Variants in SBF2 observed in about 807,000 individuals in gnomAD.
SBF2 encodes SET binding factor 2, also known as myotubularin-related protein 13.
A neutral mutation model predicts 225.2 loss-of-function variants in SBF2; 112 were observed. The observed-to-expected ratio is 0.50, with a 90% CI of 0.43 to 0.58. The LOEUF (loss-of-function observed/expected upper bound fraction) is 0.58. Among genes scored for constraint, SBF2 ranks in the 20% least tolerant of loss-of-function variants. The pLI, the probability that SBF2 is intolerant of heterozygous loss-of-function variation, is 0.00. For missense variants in SBF2, 1,996 were observed against 2,206.2 expected (o/e 0.90, Z 1.91); for synonymous variants, 763 against 773.3 (o/e 0.99, Z 0.22).
chr11:9,899,612 C>G (rs1418428027), intron 16 of SBF2, among the ~76,000 whole-genome samples: 2 of 151,594 alleles, frequency 1.3e-5, no homozygotes, highest in African/African-American at 2.4e-5. Flanking sequence ...TCCTTTGATT[C>G]TTGAGAATTA....
chr11:10,117,666 G>A (rs963783518), intron 2 of SBF2, among the ~76,000 whole-genome samples: 3 of 151,982 alleles, frequency 2.0e-5, no homozygotes, highest in African/African-American at 7.2e-5. Flanking sequence ...GGGAGCAGGG[G>A]AGATGGGGAG....
At chr11:10,081,310 A>G (rs1357476820) in intron 2 of SBF2, among the ~76,000 whole-genome samples, 1 of 152,214 alleles carries the variant, frequency 6.6e-6, no homozygotes, top group Non-Finnish European at 1.5e-5. Flanking sequence ...ATTAAAGAAT[A>G]TGCTCCTGAA....
chr11:10,062,039 G>T (rs1474575762), intron 2 of SBF2, among the ~76,000 whole-genome samples: 2 of 152,048 alleles, frequency 1.3e-5, no homozygotes, highest in Non-Finnish European at 2.9e-5. Context: ...CAGAAATAAG[G>T]CCACACATCT....
chr11:9,986,972 A>G (rs894789241), intron 13 of SBF2, among the ~76,000 whole-genome samples: 4 of 152,168 alleles, frequency 2.6e-5, no homozygotes, highest in Non-Finnish European at 4.4e-5. Context: ...GGACATAACC[A>G]AAAAAGAAAA....
At chr11:10,007,162 C>T (rs537476983) in intron 6 of SBF2, among the ~76,000 whole-genome samples, 13 of 152,218 alleles carry the variant, frequency 8.5e-5, no homozygotes, top group African/African-American at 2.4e-4. Context: ...AAGGGCGTAC[C>T]GAAGTTAAGG....
At chr11:9,839,813 T>C in intron 25 of SBF2, 117 bp from the exon 26 acceptor site, 1 of 1,179,526 alleles carries the variant, frequency 8.5e-7, no homozygotes, top group South Asian at 1.2e-5. Flanking sequence ...GAGACAGATA[T>C]CAAAGAAATG....
At chr11:9,784,324 A>T (rs1590074913) in intron 38 of SBF2, 27 bp downstream of exon 38, 1 of 1,541,134 alleles carries the variant, frequency 6.5e-7, no homozygotes. Context: ...AGACAGAAGT[A>T]ATTTCTTTTG....
At chr11:10,079,187 G>A (rs6483969) in intron 2 of SBF2, among the ~76,000 whole-genome samples, 24,873 of 151,914 alleles carry the variant, frequency 0.16, 2,311 homozygotes, top group East Asian at 0.29. Context: ...TCAAAGAAAC[G>A]CCGTAATTCT....
At chr11:9,859,447 A>C (rs1001482758) in intron 17 of SBF2, among the ~76,000 whole-genome samples, 3 of 152,216 alleles carry the variant, frequency 2.0e-5, no homozygotes, top group Non-Finnish European at 2.9e-5. Context: ...CTAAAAGCTA[A>C]GGATGTTTCA....
At chr11:9,896,141 T>A in intron 16 of SBF2, 130 bp from the exon 17 acceptor site, 1 of 752,798 alleles carries the variant, frequency 1.3e-6, no homozygotes, top group Non-Finnish European at 2.3e-6. Context: ...GCAGAGGACC[T>A]GACGGAGGGG....
At chr11:10,150,570 GT>G (rs1955128977) in intron 2 of SBF2, among the ~76,000 whole-genome samples, 1 of 151,948 alleles carries the variant, frequency 6.6e-6, no homozygotes, top group South Asian at 2.1e-4. Context: ...AAATTGTTTT[GT>G]TACAATAATC....
intron 12 of SBF2, among the ~76,000 whole-genome samples, chr11:9,990,204 G>T (rs1270618784): frequency 2.6e-5 from 4 of 152,100 alleles, no homozygotes; most frequent in East Asian, 1.9e-4. Context: ...TAAATAGATG[G>T]ATGACAAAAA....
At chr11:9,971,735 C>T (rs1005674062) in intron 13 of SBF2, among the ~76,000 whole-genome samples, 1 of 152,118 alleles carries the variant, frequency 6.6e-6, no homozygotes, top group Non-Finnish European at 1.5e-5. Flanking sequence ...TAGTCAAAAT[C>T]TCTAAAGAGT....
chr11:10,128,203 T>A (rs111991117), intron 2 of SBF2, among the ~76,000 whole-genome samples: 75 of 152,300 alleles, frequency 4.9e-4, no homozygotes, highest in African/African-American at 1.7e-3. Flanking sequence ...CACACTTGTT[T>A]GTTTGCCAGT....
intron 2 of SBF2, among the ~76,000 whole-genome samples, chr11:10,130,220 G>C (rs1038382649): frequency 1.3e-5 from 2 of 151,920 alleles, no homozygotes; most frequent in Non-Finnish European, 2.9e-5. Context: ...CAATTAGCCG[G>C]GTGTGGTGGC....
chr11:9,970,618 A>G (rs889734409), intron 13 of SBF2, among the ~76,000 whole-genome samples: 3 of 152,186 alleles, frequency 2.0e-5, no homozygotes, highest in Admixed American at 1.3e-4. Context: ...TATAATAGAA[A>G]CACACTGCTT....
chr11:10,183,731 A>G (rs1956823609), intron 2 of SBF2, among the ~76,000 whole-genome samples: 1 of 152,224 alleles, frequency 6.6e-6, no homozygotes, highest in Admixed American at 6.5e-5. Context: ...GCACAGAATG[A>G]TAACTACTGT....
At chr11:10,021,354 AC>A (rs1460333529) in intron 6 of SBF2, among the ~76,000 whole-genome samples, 1 of 152,192 alleles carries the variant, frequency 6.6e-6, no homozygotes. Flanking sequence ...GTGAATACAA[AC>A]TTATTAACAT....
In SBF2 at chr11:9,780,282, G is replaced by T. The variant is rs979447778; in HGVS notation, c.*136C>A. 2.4e-5 allele frequency: 18 copies of T among 762,294 alleles called. 1 individual carries two copies. The highest frequency in any genetic ancestry group is 6.0e-5 in the Admixed American group (3 of 49,840). 47.2% of individuals were successfully genotyped at this position (762,294 alleles called of 1,614,324 possible). A position where few individuals can be genotyped will look rare whatever the true frequency, so the allele number is the denominator to read the frequency against. On this transcript the variant is annotated 3_prime_UTR_variant, in exon 40 of 40. Transcript: ENST00000256190. ...AGGTTAAGTAGATATAGCAACCCCT[G>T]CAAGAGGGGACTGGGCAGGAGAACC...
Sources: gnomAD v4.1 joint callset for allele counts (sites outside exome capture counted in the v4.1 genomes callset) on GRCh38, gnomAD v4.1.1 for gene constraint, MANE v1.5 for transcripts, NCBI Gene and HGNC (gene_info 2026-07-23, HGNC 2026-07-21) for gene names.